GNA12: variants seen among roughly 807,000 people sequenced by gnomAD.
GNA12 encodes the protein G protein subunit alpha 12.
GNA12 carries 9 observed loss-of-function variants against 26.0 expected under a neutral mutation model. The ratio of observed to expected loss-of-function variants is 0.35; its 90% CI spans 0.21 to 0.60. The LOEUF is 0.60. GNA12 is among the 20% of genes least tolerant of loss of function. The probability of loss-of-function intolerance (pLI) is 0.78; values close to 1 mark genes in which losing one functional copy is unlikely to be tolerated. For synonymous variants in GNA12, 264 were observed against 219.6 expected (o/e 1.20, Z -1.79); for missense variants, 405 against 525.8 (o/e 0.77, Z 2.25).
intron 2 of GNA12, among the ~76,000 whole-genome samples, chr7:2,782,142 C>T (rs558172502): frequency 1.2e-4 from 19 of 152,184 alleles, no homozygotes; most frequent in Admixed American, 1.3e-4. Context: ...AAACCATATA[C>T]AAAAATTAAC....
intron 1 of GNA12, 147 bp downstream of exon 1, chr7:2,843,706 G>GGGA (rs1562454926): frequency 2.3e-6 from 1 of 430,784 alleles, no homozygotes; most frequent in African/African-American, 2.1e-5. Context: ...GAATGGGTCG[G>GGGA]GGGGGAGTGG....
chr7:2,744,207 C>A (rs193149254), intron 2 of GNA12, among the ~76,000 whole-genome samples: 3 of 152,218 alleles, frequency 2.0e-5, no homozygotes, highest in East Asian at 1.9e-4. Flanking sequence ...GATCTGAGAA[C>A]GGGCAGACTG....
At chr7:2,782,292 T>C (rs1296623533) in intron 2 of GNA12, among the ~76,000 whole-genome samples, 1 of 152,250 alleles carries the variant, frequency 6.6e-6, no homozygotes, top group Non-Finnish European at 1.5e-5. Context: ...AAAGAGATGT[T>C]AGTCTTCATA....
intron 2 of GNA12, among the ~76,000 whole-genome samples, chr7:2,793,738 G>T (rs2644308): frequency 6.6e-6 from 1 of 152,002 alleles, no homozygotes. Flanking sequence ...ATAAAAATTA[G>T]CTGGTGTGGT....
rs181580752 is a variant in GNA12 at position 2,737,639 on chromosome 7, G to A, written c.526-4138C>T. On this transcript the variant is annotated intron_variant, in intron 2 of 3. Transcript: ENST00000275364. ...GAGGTTAACTCTAAAATCCTAAAGC[G>A]GGGTCATTCACACTGTGACCGAAAA... Among the ~76,000 whole-genome samples the A allele has an allele frequency of 2.4e-3, 359 of 152,182 alleles. 1 individual carries two copies. The highest frequency in any genetic ancestry group is 6.8e-3 in the Middle Eastern group (2 of 294).
intron 2 of GNA12, among the ~76,000 whole-genome samples, chr7:2,750,376 G>A (rs1260612890): frequency 6.6e-6 from 1 of 152,196 alleles, no homozygotes; most frequent in African/African-American, 2.4e-5. Flanking sequence ...GTTATGCCTG[G>A]CTTTTAAGAA....
At chr7:2,812,552 CCAGGAGG>C (rs1472988939) in intron 1 of GNA12, among the ~76,000 whole-genome samples, 2 of 152,094 alleles carry the variant, frequency 1.3e-5, no homozygotes, top group African/African-American at 4.8e-5. Flanking sequence ...TCACTTAAAC[CCAGGAGG>C]CAGAGGTTGC....
chr7:2,844,199 G>T lies in GNA12; in HGVS notation c.-38C>A. 2.1e-6 allele frequency: 2 copies of T among 962,194 alleles called. No homozygotes were observed. Among genetic ancestry groups the T allele is most frequent in the Non-Finnish European group, 2.5e-6 (2 of 811,102 alleles). The allele number at this position is 962,194 out of a possible 1,614,324, so 59.6% of individuals were successfully genotyped here. ...CGCGGCCGCGCCCCGCCGGCGCCCG[G>T]GGGCCATGGACGCTCCCGCCGGCGA... On this transcript the variant is annotated 5_prime_UTR_variant, in exon 1 of 4. Transcript: ENST00000275364.
At chr7:2,773,562 A>C (rs1293114432) in intron 2 of GNA12, among the ~76,000 whole-genome samples, 1 of 152,216 alleles carries the variant, frequency 6.6e-6, no homozygotes, top group Non-Finnish European at 1.5e-5. Flanking sequence ...ACTCAGTCTC[A>C]AAAATAAACA....
chr7:2,812,989 G>A (rs1366837405), intron 1 of GNA12, among the ~76,000 whole-genome samples: 1 of 152,158 alleles, frequency 6.6e-6, no homozygotes, highest in Non-Finnish European at 1.5e-5. Context: ...TGTCGCCCAG[G>A]CTGCTGTGCT....
rs141223494 is a variant in GNA12 at position 2,834,593 on chromosome 7, A to C, written c.309+9260T>G. On this transcript the variant is annotated intron_variant, in intron 1 of 3. Coordinates refer to ENST00000275364, the MANE Select transcript of GNA12 (RefSeq NM_007353.3). ...TGGCAACAAGAGACCACCCACTCTAATCATCTAATTCTTCAAAAAGTTTCT... is the reference window on the plus strand; with the variant it reads ...TGGCAACAAGAGACCACCCACTCTACTCATCTAATTCTTCAAAAAGTTTCT... Among the ~76,000 whole-genome samples, 682 of 152,330 alleles carry C rather than the reference A, an allele frequency of 4.5e-3. 6 individuals are homozygous for C. The highest frequency in any genetic ancestry group is 0.016 in the African/African-American group (649 of 41,562).
Position 2,730,935 on chromosome 7 carries a change from C to T in GNA12, c.*246G>A. 1 of 503,690 alleles carries T rather than the reference C, an allele frequency of 2.0e-6. No homozygotes were observed. Among genetic ancestry groups the T allele is most frequent in the Non-Finnish European group, 3.6e-6 (1 of 278,796 alleles). 31.2% of individuals were successfully genotyped at this position (503,690 alleles called of 1,614,324 possible). On this transcript the variant is annotated 3_prime_UTR_variant, in exon 4 of 4. Transcript: ENST00000275364. Reference sequence around the variant, plus strand: ...TGTGTGATTAGGTGTTCCGTATTCACAACATCATCACTCGGATTTTCAGTA... The same window carrying T: ...TGTGTGATTAGGTGTTCCGTATTCATAACATCATCACTCGGATTTTCAGTA...
At chr7:2,754,323 G>A (rs1477610038) in intron 2 of GNA12, among the ~76,000 whole-genome samples, 1 of 152,020 alleles carries the variant, frequency 6.6e-6, no homozygotes, top group African/African-American at 2.4e-5. Flanking sequence ...TTTTCTGTTT[G>A]GATTGTTTTC....
intron 1 of GNA12, among the ~76,000 whole-genome samples, chr7:2,804,451 T>C (rs1792893043): frequency 6.6e-6 from 1 of 152,196 alleles, no homozygotes; most frequent in African/African-American, 2.4e-5. Context: ...TGAGTGCCAC[T>C]GGGCCAGACT....
intron 2 of GNA12, among the ~76,000 whole-genome samples, chr7:2,781,864 GA>G (rs1292913602): frequency 5.3e-5 from 8 of 152,042 alleles, no homozygotes; most frequent in African/African-American, 1.9e-4. Context: ...CCACAATGAG[GA>G]AAAGAAAACA....
At chr7:2,785,981 C>G (rs536162738) in intron 2 of GNA12, among the ~76,000 whole-genome samples, 1 of 152,202 alleles carries the variant, frequency 6.6e-6, no homozygotes, top group African/African-American at 2.4e-5. Context: ...GCAGGACAAT[C>G]GCTTGAACCC....
chr7:2,768,021 A>T (rs1791850302), intron 2 of GNA12, among the ~76,000 whole-genome samples: 1 of 152,104 alleles, frequency 6.6e-6, no homozygotes, highest in Non-Finnish European at 1.5e-5. Flanking sequence ...TGCCTGGCTA[A>T]TTTTTTTATT....
intron 2 of GNA12, among the ~76,000 whole-genome samples, chr7:2,764,022 A>T (rs1294704160): frequency 6.6e-6 from 1 of 152,140 alleles, no homozygotes; most frequent in Non-Finnish European, 1.5e-5. Context: ...TACTTTCTAG[A>T]AGTCTTCCTA....
intron 2 of GNA12, among the ~76,000 whole-genome samples, chr7:2,759,375 C>T (rs961132673): frequency 1.3e-5 from 2 of 152,162 alleles, no homozygotes; most frequent in African/African-American, 4.8e-5. Context: ...AGGGCCTCCC[C>T]CATATCACCT....
Sources: gnomAD v4.1 joint callset for allele counts (sites outside exome capture counted in the v4.1 genomes callset) on GRCh38, gnomAD v4.1.1 for gene constraint, MANE v1.5 for transcripts, NCBI Gene and HGNC (gene_info 2026-07-23, HGNC 2026-07-21) for gene names.